The following RMST variants were observed in gnomAD, a reference collection of about 807,000 sequenced individuals.
RMST encodes the protein rhabdomyosarcoma 2 associated transcript, also known as long intergenic non-protein coding RNA 54.
intron 5 of RMST, among the ~76,000 whole-genome samples, chr12:97,475,097 A>G (rs143960976): frequency 5.6e-4 from 85 of 152,282 alleles, no homozygotes; most frequent in African/African-American, 2.0e-3. Context: ...TGCTACATCA[A>G]TCAGTGTCCA....
chr12:97,529,685 C>T (rs1881457752), intron 10 of RMST, among the ~76,000 whole-genome samples: 1 of 152,098 alleles, frequency 6.6e-6, no homozygotes, highest in Middle Eastern at 3.2e-3. Context: ...AAGCCCTTTG[C>T]TCCTCCATTG....
intron 10 of RMST, among the ~76,000 whole-genome samples, chr12:97,505,120 A>T (rs556463517): frequency 6.6e-6 from 1 of 152,356 alleles, no homozygotes; most frequent in Admixed American, 6.5e-5. Context: ...AAATAAGTGA[A>T]ATTTAGTGTC....
intron 5 of RMST, among the ~76,000 whole-genome samples, chr12:97,477,904 G>A (rs1029232959): frequency 3.9e-5 from 6 of 152,294 alleles, no homozygotes; most frequent in East Asian, 3.9e-4. Context: ...AGGGAGACAC[G>A]GCAGAGAGAA....
intron 10 of RMST, among the ~76,000 whole-genome samples, chr12:97,503,130 C>A (rs1441290642): frequency 6.6e-6 from 1 of 152,184 alleles, no homozygotes; most frequent in Admixed American, 6.5e-5. Flanking sequence ...TGATTTCCAG[C>A]AGCTTCCTTC....
intron 11 of RMST, chr12:97,533,373 C>A (rs909905734): frequency 6.6e-6 from 1 of 151,702 alleles, no homozygotes; most frequent in Non-Finnish European, 1.5e-5. Flanking sequence ...CCTGGAAATG[C>A]GTGCTTTTTG....
intron 10 of RMST, among the ~76,000 whole-genome samples, chr12:97,509,332 A>G (rs1420261964): frequency 6.6e-6 from 1 of 152,206 alleles, no homozygotes; most frequent in Non-Finnish European, 1.5e-5. Context: ...TCTGCCTTCA[A>G]GTATAAAAAG....
chr12:97,489,742 CT>C (rs1313899053), intron 5 of RMST, among the ~76,000 whole-genome samples: 4 of 152,138 alleles, frequency 2.6e-5, no homozygotes, highest in Admixed American at 2.6e-4. Context: ...GAAGGCTAGT[CT>C]ATATAAACTA....
intron 5 of RMST, among the ~76,000 whole-genome samples, chr12:97,470,860 C>T (rs11109047): frequency 0.11 from 16,451 of 151,998 alleles, 1,075 homozygotes; most frequent in East Asian, 0.16. Flanking sequence ...GAGCCATTTC[C>T]TTAACCATCA....
intron 5 of RMST, among the ~76,000 whole-genome samples, chr12:97,469,276 A>G (rs548037212): frequency 1.4e-4 from 21 of 150,260 alleles, no homozygotes; most frequent in African/African-American, 2.5e-4. Flanking sequence ...AGATATTGGT[A>G]AAACAGTCAG....
At chr12:97,551,540 G>A (rs544083915) in intron 11 of RMST, among the ~76,000 whole-genome samples, 16 of 152,086 alleles carry the variant, frequency 1.1e-4, no homozygotes, top group East Asian at 7.7e-4. Flanking sequence ...TCCACTCTTC[G>A]CTGAATAAGT....
intron 10 of RMST, among the ~76,000 whole-genome samples, chr12:97,498,914 G>A (rs943874814): frequency 3.3e-5 from 5 of 152,160 alleles, no homozygotes; most frequent in Non-Finnish European, 7.3e-5. Flanking sequence ...TTCAGGCATC[G>A]GTAGCAGCTG....
At chr12:97,495,176 T>TGGGG (rs112974508) in intron 9 of RMST, among the ~76,000 whole-genome samples, 13,729 of 145,278 alleles carry the variant, frequency 0.095, 797 homozygotes, top group Non-Finnish European at 0.13. Context: ...ATTATTCTTA[T>TGGGG]GGGGGGGGAG....
chr12:97,541,437 C>G (rs1281772081), intron 11 of RMST: 1 of 151,680 alleles, frequency 6.6e-6, no homozygotes, highest in African/African-American at 2.4e-5. Flanking sequence ...CTATAGGGCA[C>G]AGAAATGAGT....
intron 4 of RMST, among the ~76,000 whole-genome samples, chr12:97,464,397 G>A (rs982507069): frequency 1.3e-5 from 2 of 152,072 alleles, no homozygotes; most frequent in African/African-American, 4.8e-5. Context: ...TTATCCCCAG[G>A]TCCCCATTTA....
At chr12:97,500,336 A>G (rs539920977) in intron 10 of RMST, among the ~76,000 whole-genome samples, 7 of 152,290 alleles carry the variant, frequency 4.6e-5, no homozygotes, top group African/African-American at 1.7e-4. Context: ...TGACTGAATC[A>G]GTCATGGATT....
intron 10 of RMST, among the ~76,000 whole-genome samples, chr12:97,498,339 T>A (rs1439429746): frequency 1.3e-5 from 2 of 152,192 alleles, no homozygotes; most frequent in African/African-American, 4.8e-5. Context: ...AGAATTGGAC[T>A]GGTTCGCATT....
rs540434556 is a variant in RMST at position 97,502,326 on chromosome 12, C to A, written n.1340+6270C>A. On this transcript the variant is annotated intron_variant and non_coding_transcript_variant, in intron 10 of 13. Transcript: ENST00000640149. Reference sequence around the variant, plus strand: ...TGATTATTCATTTATGGAGTGCACACTTATGCACCAGGTCCTGTGGGAGAT... The same window carrying A: ...TGATTATTCATTTATGGAGTGCACAATTATGCACCAGGTCCTGTGGGAGAT... Among the ~76,000 whole-genome samples, 4 of 152,266 alleles carry A rather than the reference C, an allele frequency of 2.6e-5. No individual in the cohort carries two copies. The South Asian group carries it at 8.3e-4, about 32-fold the overall frequency.
At chr12:97,475,347 C>T (rs1874413966) in intron 5 of RMST, among the ~76,000 whole-genome samples, 2 of 152,120 alleles carry the variant, frequency 1.3e-5, no homozygotes, top group African/African-American at 4.8e-5. Flanking sequence ...TGTCTGATGG[C>T]ATTTGGAAGA....
intron 13 of RMST, among the ~76,000 whole-genome samples, chr12:97,561,629 CTTTTTTTTTTTTTTTTTT>C (rs9331504): frequency 1.8e-5 from 1 of 56,648 alleles, no homozygotes; most frequent in African/African-American, 7.4e-5. Flanking sequence ...AGTTTGAAGG[CTTTTTTTTTTTTTTTTTT>C]TTTTTTTTTT....
Sources: gnomAD v4.1 joint callset for allele counts (sites outside exome capture counted in the v4.1 genomes callset) on GRCh38, gnomAD v4.1.1 for gene constraint, MANE v1.5 for transcripts, NCBI Gene and HGNC (gene_info 2026-07-23, HGNC 2026-07-21) for gene names.